HSF2BP: variants seen among roughly 807,000 people sequenced by gnomAD.
HSF2BP encodes the protein heat shock factor 2-binding protein.
A neutral mutation model predicts 35.0 loss-of-function variants in HSF2BP; 35 were observed. The ratio of observed to expected loss-of-function variants is 1.00; its 90% CI spans 0.76 to 1.32. The LOEUF is 1.32. HSF2BP is among the 40% of genes most tolerant of loss of function. The pLI is 0.00. For synonymous variants in HSF2BP, 114 were observed against 117.4 expected (o/e 0.97, Z 0.18); for missense variants, 326 against 321.7 (o/e 1.01, Z -0.10).
At chr21:43,608,194 G>T (rs1776936949) in intron 7 of HSF2BP, among the ~76,000 whole-genome samples, 1 of 152,014 alleles carries the variant, frequency 6.6e-6, no homozygotes, top group African/African-American at 2.4e-5. Flanking sequence ...GCAAACTATG[G>T]ATCCAACAAA....
At chr21:43,614,617 C>T (rs1179806726) in intron 6 of HSF2BP, among the ~76,000 whole-genome samples, 1 of 152,086 alleles carries the variant, frequency 6.6e-6, no homozygotes, top group Non-Finnish European at 1.5e-5. Context: ...TGTGAAAATT[C>T]ACTTTTAATG....
intron 7 of HSF2BP, among the ~76,000 whole-genome samples, chr21:43,605,060 CCA>C (rs1319081735): frequency 2.7e-5 from 4 of 145,584 alleles, no homozygotes; most frequent in Non-Finnish European, 4.5e-5. Context: ...ACACCAGACA[CCA>C]CACACATCAC....
chr21:43,607,296 A>G (rs1601658316), intron 7 of HSF2BP, among the ~76,000 whole-genome samples: 2 of 152,140 alleles, frequency 1.3e-5, no homozygotes, highest in African/African-American at 4.8e-5. Flanking sequence ...TCTCAAAAAA[A>G]AAAAAAAAGG....
chr21:43,656,442 C>A, intron 3 of HSF2BP, 145 bp downstream of exon 3: 3 of 788,432 alleles, frequency 3.8e-6, no homozygotes, highest in East Asian at 2.6e-5. Context: ...AGGAAACCTC[C>A]CTTTCTTAGG....
intron 7 of HSF2BP, among the ~76,000 whole-genome samples, chr21:43,604,476 C>T (rs1174000088): frequency 9.6e-6 from 1 of 104,676 alleles, no homozygotes; most frequent in Admixed American, 1.0e-4. Flanking sequence ...ACACAGCACG[C>T]ACACCATACA....
chr21:43,604,553 CCACACACATTG>C (rs1226478071), intron 7 of HSF2BP, among the ~76,000 whole-genome samples: 2 of 133,336 alleles, frequency 1.5e-5, no homozygotes, highest in Non-Finnish European at 3.3e-5. Context: ...CATACACACC[CCACACACATTG>C]CACACACACC....
rs1467409885 is a variant in HSF2BP at position 43,631,736 on chromosome 21, CA to C, written c.442-1283del. On this transcript the variant is annotated intron_variant, in intron 5 of 8. Transcript: ENST00000291560. ...CTATGACATTAACTCTCCACTGTGTCAACTGACCTACTCACTGTCCTAAAAC... is the reference window on the plus strand; with the variant it reads ...CTATGACATTAACTCTCCACTGTGTCACTGACCTACTCACTGTCCTAAAAC... 2.0e-5 allele frequency among the ~76,000 whole-genome samples: 3 copies of C among 152,266 alleles called. No homozygotes were observed. The East Asian group carries it at 5.8e-4, about 29-fold the overall frequency.
At chr21:43,591,764 T>C (rs574730850) in intron 8 of HSF2BP, among the ~76,000 whole-genome samples, 5 of 152,326 alleles carry the variant, frequency 3.3e-5, no homozygotes, top group African/African-American at 1.2e-4. Context: ...AAGTTTTAAA[T>C]TGCACACCAT....
intron 6 of HSF2BP, among the ~76,000 whole-genome samples, chr21:43,627,238 T>C (rs1431637796): frequency 6.6e-6 from 1 of 152,206 alleles, no homozygotes; most frequent in Non-Finnish European, 1.5e-5. Flanking sequence ...CGGAATTTTA[T>C]CATAACTCTC....
chr21:43,616,842 AATGGTGTGAACC>A (rs2082277227), intron 6 of HSF2BP, among the ~76,000 whole-genome samples: 1 of 152,034 alleles, frequency 6.6e-6, no homozygotes, highest in African/African-American at 2.4e-5. Context: ...GAGGCAGGAG[AATGGTGTGAACC>A]TGGGAGGCAG....
intron 7 of HSF2BP, among the ~76,000 whole-genome samples, chr21:43,595,120 C>T (rs1006403640): frequency 2.0e-5 from 3 of 152,204 alleles, no homozygotes; most frequent in East Asian, 1.9e-4. Flanking sequence ...AAAATAGCCA[C>T]ATGTGGTGAT....
At chr21:43,642,476 G>A (rs549470924) in intron 4 of HSF2BP, among the ~76,000 whole-genome samples, 40 of 152,276 alleles carry the variant, frequency 2.6e-4, no homozygotes, top group Admixed American at 9.2e-4. Flanking sequence ...AAGAGAAATG[G>A]CCTTGTTACA....
At chr21:43,576,075 G>C (rs1172400857) in intron 8 of HSF2BP, among the ~76,000 whole-genome samples, 1 of 147,604 alleles carries the variant, frequency 6.8e-6, no homozygotes, top group Non-Finnish European at 1.5e-5. Context: ...CCAAGATCGC[G>C]CAACTGCACG....
intron 7 of HSF2BP, among the ~76,000 whole-genome samples, chr21:43,603,441 A>G (rs958720739): frequency 6.6e-6 from 1 of 152,174 alleles, no homozygotes; most frequent in South Asian, 2.1e-4. Flanking sequence ...GGAGAAATAC[A>G]CAGAGATGAA....
intron 3 of HSF2BP, among the ~76,000 whole-genome samples, chr21:43,646,218 T>C (rs2082707001): frequency 6.6e-6 from 1 of 151,720 alleles, no homozygotes; most frequent in Non-Finnish European, 1.5e-5. Flanking sequence ...CTCCCTCAAA[T>C]CACAGTTTCA....
chr21:43,587,753 A>AT lies in HSF2BP; in HGVS notation c.796+4471dup, dbSNP rs1658309096. 1.3e-5 allele frequency among the ~76,000 whole-genome samples: 2 copies of AT among 151,958 alleles called. 1 individual carries two copies. The highest frequency in any genetic ancestry group is 4.2e-4 in the South Asian group (2 of 4,812). Reference sequence around the variant, plus strand: ...ATTAACACAACTTAACAAGCACCTCATATTATCCATAAGCCAAAGCTTAAG... The same window carrying AT: ...ATTAACACAACTTAACAAGCACCTCATTATTATCCATAAGCCAAAGCTTAAG... On this transcript the variant is annotated intron_variant, in intron 8 of 8. Coordinates refer to ENST00000291560, the MANE Select transcript of HSF2BP (RefSeq NM_007031.2).
Position 43,659,030 on chromosome 21 carries a change from G to C in HSF2BP, c.-225+356C>G, listed in dbSNP as rs561807379. Among the ~76,000 whole-genome samples the C allele has an allele frequency of 4.3e-4, 66 of 152,298 alleles. No homozygotes were observed. Among genetic ancestry groups the C allele is most frequent in the Middle Eastern group, 3.4e-3 (1 of 294 alleles). On this transcript the variant is annotated intron_variant, in intron 1 of 8. Transcript: ENST00000291560. This position sits in a 1 kb window ranked among gnomAD's most constrained non-coding sequence, Gnocchi z 4.2. ...TCCTGGACCGTGGCCAGGCGCGGCGGCTCAAGCCTGTAATCCCAGCGATCA... is the reference window on the plus strand; with the variant it reads ...TCCTGGACCGTGGCCAGGCGCGGCGCCTCAAGCCTGTAATCCCAGCGATCA...
intron 3 of HSF2BP, among the ~76,000 whole-genome samples, chr21:43,648,285 G>A (rs940322672): frequency 1.2e-4 from 18 of 152,152 alleles, no homozygotes; most frequent in Non-Finnish European, 2.2e-4. Flanking sequence ...TAGCAGCCCC[G>A]CAGGAAACTG....
intron 3 of HSF2BP, among the ~76,000 whole-genome samples, chr21:43,648,763 G>T: frequency 6.6e-6 from 1 of 152,288 alleles, no homozygotes; most frequent in South Asian, 2.1e-4. Context: ...GGGGTACCCC[G>T]TATCAAACTC....
Sources: gnomAD v4.1 joint callset for allele counts (sites outside exome capture counted in the v4.1 genomes callset) on GRCh38, gnomAD v4.1.1 for gene constraint, Gnocchi (gnomAD v3.1) non-coding constraint, MANE v1.5 for transcripts, NCBI Gene and HGNC (gene_info 2026-07-23, HGNC 2026-07-21) for gene names.